Variants in KDM6A observed in about 807,000 individuals in gnomAD.
KDM6A encodes lysine demethylase 6A, also known as lysine-specific demethylase 6A.
Under a neutral mutation model 117.6 loss-of-function variants are expected in KDM6A, and 11 were observed. The ratio of observed to expected loss-of-function variants is 0.09; its 90% CI spans 0.06 to 0.15. The LOEUF is 0.15. Among genes scored for constraint, KDM6A ranks in the 10% least tolerant of loss-of-function variants. KDM6A has a pLI of 1.00. For missense variants in KDM6A, 799 were observed against 1,077.3 expected (o/e 0.74, Z 3.62); for synonymous variants, 384 against 396.1 (o/e 0.97, Z 0.36).
intron 8 of KDM6A, among the ~76,000 whole-genome samples, chrX:45,042,127 C>T (rs998217223): frequency 9.2e-6 from 1 of 109,178 alleles, no homozygotes; most frequent in African/African-American, 3.4e-5. Context: ...CGGCATGCGC[C>T]TGCAATCGCA....
intron 5 of KDM6A, among the ~76,000 whole-genome samples, chrX:45,018,867 CCATAATTTTATTATTATAAAATATAA>C (rs1409886316): frequency 9.0e-6 from 1 of 111,395 alleles, no homozygotes; most frequent in Admixed American, 9.6e-5. Context: ...GAAGCATTAT[CCATAATTTTATTATTATAAAATATAA>C]CATACCTACA....
At chrX:44,951,345 A>G (rs923292175) in intron 2 of KDM6A, among the ~76,000 whole-genome samples, 1 of 111,956 alleles carries the variant, frequency 8.9e-6, no homozygotes, top group African/African-American at 3.3e-5. Context: ...AGCTGCAAAA[A>G]GTGGGATAAA....
chrX:44,917,200 T>C (rs2146846198), intron 2 of KDM6A, among the ~76,000 whole-genome samples: 1 of 110,218 alleles, frequency 9.1e-6, no homozygotes, highest in African/African-American at 3.3e-5. Context: ...CTAATATTTG[T>C]ATTTTTAGTA....
intron 24 of KDM6A, among the ~76,000 whole-genome samples, chrX:45,083,886 A>G (rs1044491021): frequency 1.8e-5 from 2 of 111,826 alleles, no homozygotes; most frequent in Admixed American, 9.5e-5. Context: ...TCTGTTGTCA[A>G]TCCCATCTGT....
chrX:45,050,680 T>G (rs2043802501), intron 8 of KDM6A, among the ~76,000 whole-genome samples: 1 of 111,564 alleles, frequency 9.0e-6, no homozygotes, highest in Non-Finnish European at 1.9e-5. Flanking sequence ...GTTTTACAGG[T>G]AATATTTATG....
At chrX:44,901,767 T>C (rs757573451) in intron 2 of KDM6A, among the ~76,000 whole-genome samples, 1 of 112,459 alleles carries the variant, frequency 8.9e-6, no homozygotes, top group East Asian at 2.8e-4. Flanking sequence ...ACATAGTATG[T>C]GTATATTCAA....
chrX:44,924,954 G>T (rs2036219310), intron 2 of KDM6A, among the ~76,000 whole-genome samples: 1 of 111,479 alleles, frequency 9.0e-6, no homozygotes, highest in Non-Finnish European at 1.9e-5. Flanking sequence ...CTCCCAAAGT[G>T]TTAGGATTAC....
intron 7 of KDM6A, among the ~76,000 whole-genome samples, chrX:45,037,061 G>A (rs896068835): frequency 8.9e-6 from 1 of 112,486 alleles, no homozygotes; most frequent in African/African-American, 3.2e-5. Flanking sequence ...ACTTTAGACA[G>A]TCTACTTGAT....
intron 2 of KDM6A, among the ~76,000 whole-genome samples, chrX:44,956,427 T>C (rs2038329250): frequency 9.0e-6 from 1 of 110,605 alleles, no homozygotes; most frequent in African/African-American, 3.3e-5. Flanking sequence ...TTTGACAGGG[T>C]CTTGCTCTGT....
chrX:44,939,846 T>A (rs985045963), intron 2 of KDM6A, among the ~76,000 whole-genome samples: 1 of 112,175 alleles, frequency 8.9e-6, no homozygotes, highest in Non-Finnish European at 1.9e-5. Context: ...TACAACTTGC[T>A]GAAGGCTCAG....
At chrX:45,062,129 T>C (rs977924190) in intron 15 of KDM6A, among the ~76,000 whole-genome samples, 1 of 111,047 alleles carries the variant, frequency 9.0e-6, no homozygotes, top group African/African-American at 3.3e-5. Flanking sequence ...TTTACACAAA[T>C]GATAGGATTC....
At chrX:44,895,074 TTTTATTTA>T (rs200356311) in intron 2 of KDM6A, among the ~76,000 whole-genome samples, 5,790 of 91,612 alleles carry the variant, frequency 0.063, 240 homozygotes, top group African/African-American at 0.11. Flanking sequence ...GCAACTTTTA[TTTTATTTA>T]TTTATTTATT....
intron 3 of KDM6A, among the ~76,000 whole-genome samples, chrX:44,971,353 G>A (rs755304089): frequency 1.8e-5 from 2 of 111,723 alleles, no homozygotes; most frequent in South Asian, 7.5e-4. Flanking sequence ...AAAAAGATGA[G>A]CATTATTCAT....
intron 8 of KDM6A, 124 bp from the exon 9 acceptor site, chrX:45,051,585 G>T: frequency 2.2e-6 from 1 of 446,749 alleles, no homozygotes; most frequent in Non-Finnish European, 3.9e-6. Flanking sequence ...AATGGAATCA[G>T]CACTTTTTTC....
intron 4 of KDM6A, among the ~76,000 whole-genome samples, chrX:44,975,453 A>G (rs1006815338): frequency 3.6e-5 from 4 of 110,869 alleles, no homozygotes; most frequent in African/African-American, 6.6e-5. Flanking sequence ...CAGTCAGCCT[A>G]TGCAGAGATT....
intron 27 of KDM6A, among the ~76,000 whole-genome samples, chrX:45,093,145 GC>G (rs1175823333): frequency 3.6e-5 from 4 of 110,133 alleles, no homozygotes; most frequent in African/African-American, 1.3e-4. Flanking sequence ...ACTTTGGGAG[GC>G]CGAGGCGAGC....
chrX:44,879,628 C>T (rs988612396), intron 2 of KDM6A, among the ~76,000 whole-genome samples: 4 of 111,724 alleles, frequency 3.6e-5, no homozygotes, highest in Admixed American at 9.5e-5. Flanking sequence ...ATTTCTTGCC[C>T]GTGTTGAACT....
intron 2 of KDM6A, among the ~76,000 whole-genome samples, chrX:44,884,505 A>G (rs2032656831): frequency 8.9e-6 from 1 of 111,989 alleles, no homozygotes; most frequent in Non-Finnish European, 1.9e-5. Flanking sequence ...TCTTATCTGT[A>G]AAGTAGAAGT....
At chrX:44,913,549 C>T (rs1314628539) in intron 2 of KDM6A, among the ~76,000 whole-genome samples, 3 of 110,340 alleles carry the variant, frequency 2.7e-5, no homozygotes, top group Non-Finnish European at 5.7e-5. Context: ...GTGATCTGCC[C>T]GTCTTGGCCT....
Sources: gnomAD v4.1 joint callset for allele counts (sites outside exome capture counted in the v4.1 genomes callset) on GRCh38, gnomAD v4.1.1 for gene constraint, MANE v1.5 for transcripts, NCBI Gene and HGNC (gene_info 2026-07-23, HGNC 2026-07-21) for gene names.